PRCP: variants seen among roughly 807,000 people sequenced by gnomAD.
The protein encoded by PRCP is prolylcarboxypeptidase, also known as lysosomal Pro-X carboxypeptidase.
Under a neutral mutation model 54.2 loss-of-function variants are expected in PRCP, and 46 were observed. That is an observed-to-expected ratio of 0.85 (90% CI 0.67 to 1.09). The LOEUF (loss-of-function observed/expected upper bound fraction) is 1.09. Ranked by LOEUF, PRCP falls within the 50% of genes least tolerant of loss-of-function variation. The pLI is 0.00. For missense variants in PRCP, 613 were observed against 596.8 expected (o/e 1.03, Z -0.28); for synonymous variants, 240 against 212.2 (o/e 1.13, Z -1.14).
chr11:82,882,504 T>C (rs890166319), intron 1 of PRCP, among the ~76,000 whole-genome samples: 6 of 149,080 alleles, frequency 4.0e-5, no homozygotes, highest in Non-Finnish European at 8.9e-5. Context: ...CTTTTTTTTT[T>C]TTTTTTTTTG....
Position 82,824,808 on chromosome 11 carries a change from G to T in PRCP, c.*98C>A. 1 of 1,254,554 alleles carries T rather than the reference G, an allele frequency of 8.0e-7. No individual in the cohort carries two copies. 77.7% of individuals were successfully genotyped at this position (1,254,554 alleles called of 1,614,324 possible). On this transcript the variant is annotated 3_prime_UTR_variant, in exon 9 of 9. Transcript: ENST00000313010. ...CAACTTTGGCCCCATCAAATCTAAT[G>T]ATAAACAAAAGAAGGTAATTACATG...
At chr11:82,891,939 A>T (rs1311291997) in intron 1 of PRCP, among the ~76,000 whole-genome samples, 1 of 152,322 alleles carries the variant, frequency 6.6e-6, no homozygotes, top group South Asian at 2.1e-4. Flanking sequence ...ACATACCACA[A>T]GTTATTTACA....
intron 4 of PRCP, 78 bp downstream of exon 4, chr11:82,850,244 CAT>C (rs1441415953): frequency 5.4e-6 from 7 of 1,301,318 alleles, no homozygotes; most frequent in Non-Finnish European, 7.0e-6. Flanking sequence ...TGGCATGGAA[CAT>C]GTTTTACCCA....
At chr11:82,858,668 G>A (rs1013722522) in intron 2 of PRCP, 1 of 152,150 alleles carries the variant, frequency 6.6e-6, no homozygotes, top group Non-Finnish European at 1.5e-5. Flanking sequence ...TCACTGGACA[G>A]GGTAAGTTAC....
chr11:82,855,528 A>G (rs1476515038), intron 2 of PRCP, among the ~76,000 whole-genome samples: 2 of 152,180 alleles, frequency 1.3e-5, no homozygotes, highest in African/African-American at 4.8e-5. Flanking sequence ...CTGAGGCAGT[A>G]GAATGGCGTG....
At chr11:82,886,229 T>C (rs1176038534) in intron 1 of PRCP, among the ~76,000 whole-genome samples, 1 of 152,232 alleles carries the variant, frequency 6.6e-6, no homozygotes, top group East Asian at 1.9e-4. Flanking sequence ...TCTTCAACTT[T>C]ATTACTGTCT....
chr11:82,875,995 CA>C (rs1193238175), intron 1 of PRCP, among the ~76,000 whole-genome samples: 19 of 151,404 alleles, frequency 1.3e-4, no homozygotes, highest in African/African-American at 2.4e-5. Context: ...CGCATCATTA[CA>C]AAAAAAAATT....
chr11:82,829,666 C>A (rs1363452045), intron 8 of PRCP: 2 of 152,162 alleles, frequency 1.3e-5, no homozygotes, highest in Non-Finnish European at 2.9e-5. Flanking sequence ...CAAATTAGAA[C>A]TCCATGAGAG....
At chr11:82,889,746 A>C (rs1859959362) in intron 1 of PRCP, among the ~76,000 whole-genome samples, 1 of 152,240 alleles carries the variant, frequency 6.6e-6, no homozygotes, top group South Asian at 2.1e-4. Flanking sequence ...TGAATAGATA[A>C]GCAAAATGGA....
intron 1 of PRCP, among the ~76,000 whole-genome samples, chr11:82,870,584 A>G (rs551641658): frequency 1.1e-4 from 17 of 152,368 alleles, no homozygotes; most frequent in African/African-American, 3.8e-4. Context: ...AATGAAGTAA[A>G]GGGACAAAGT....
intron 2 of PRCP, among the ~76,000 whole-genome samples, chr11:82,857,711 C>T (rs764089611): frequency 6.6e-6 from 1 of 152,072 alleles, no homozygotes; most frequent in African/African-American, 2.4e-5. Context: ...TTGTTTTGAT[C>T]GATAAATGAA....
intron 8 of PRCP, among the ~76,000 whole-genome samples, chr11:82,833,292 G>A (rs541105286): frequency 8.5e-5 from 13 of 152,328 alleles, no homozygotes; most frequent in African/African-American, 3.1e-4. Context: ...GCTAGTAGAA[G>A]TAAGGGGGAA....
chr11:82,858,701 A>G (rs1859145312), intron 2 of PRCP: 1 of 152,152 alleles, frequency 6.6e-6, no homozygotes, highest in Non-Finnish European at 1.5e-5. Context: ...ACATAAAATG[A>G]AAGTCACACC....
At chr11:82,881,436 A>T (rs1859745302) in intron 1 of PRCP, among the ~76,000 whole-genome samples, 1 of 152,200 alleles carries the variant, frequency 6.6e-6, no homozygotes, top group African/African-American at 2.4e-5. Context: ...GACAGTAAGG[A>T]CTAGGGCACC....
At chr11:82,901,417 C>T (rs1014250612), upstream of PRCP, 1 of 164,648 alleles carries the variant, frequency 6.1e-6, no homozygotes, top group African/African-American at 2.4e-5. Context: ...CCAAAGCTCC[C>T]TCAACCCTCT....
Position 82,823,570 on chromosome 11 carries a change from C to G in PRCP, c.*1336G>C, listed in dbSNP as rs1215139298. The G allele has an allele frequency of 6.6e-6, 1 of 151,174 alleles. No individual in the cohort carries two copies. The highest frequency in any genetic ancestry group is 2.4e-5 in the African/African-American group (1 of 41,062). The allele number at this position is 151,174 out of a possible 1,614,324, so 9.4% of individuals were successfully genotyped here. On this transcript the variant is annotated 3_prime_UTR_variant, in exon 9 of 9. Coordinates refer to ENST00000313010, the MANE Select transcript of PRCP (RefSeq NM_005040.4). ...AAAAAAAAAATGCCATAAAAATGAT[C>G]AAGCTCAAGGTACAGTTTTTTAAAA...
chr11:82,892,125 T>C (rs1247077076), intron 1 of PRCP, among the ~76,000 whole-genome samples: 1 of 152,220 alleles, frequency 6.6e-6, no homozygotes, highest in Admixed American at 6.5e-5. Flanking sequence ...GACATCAGTT[T>C]TGTTACTACT....
In PRCP at chr11:82,838,664, G is replaced by A. The variant is rs560157555; in HGVS notation, c.1087-90C>T. The A allele has an allele frequency of 8.3e-6, 11 of 1,326,646 alleles. 1 individual carries two copies. In the East Asian group the frequency reaches 1.2e-4, roughly 15 times the overall value. 82.2% of individuals were successfully genotyped at this position (1,326,646 alleles called of 1,614,324 possible). On this transcript the variant is annotated intron_variant, in intron 7 of 8. Transcript: ENST00000313010. ...CACAAAGTCATAATGCTGGTAAGTA[G>A]TGAAGGCAGGGTTTGAACTCAGGCA... is the stretch of plus-strand genomic sequence containing the variant.
intron 8 of PRCP, among the ~76,000 whole-genome samples, chr11:82,834,904 A>C (rs529990585): frequency 6.6e-6 from 1 of 152,304 alleles, no homozygotes; most frequent in South Asian, 2.1e-4. Flanking sequence ...GTGAAACCCC[A>C]TCTCTACTAA....
Sources: gnomAD v4.1 joint callset for allele counts (sites outside exome capture counted in the v4.1 genomes callset) on GRCh38, gnomAD v4.1.1 for gene constraint, MANE v1.5 for transcripts, NCBI Gene and HGNC (gene_info 2026-07-23, HGNC 2026-07-21) for gene names.